OPRD1: variants seen among roughly 807,000 people sequenced by gnomAD.
OPRD1 encodes delta-type opioid receptor.
A neutral mutation model predicts 17.5 loss-of-function variants in OPRD1; 19 were observed. That is an observed-to-expected ratio of 1.09 (90% CI 0.76 to 1.60). The LOEUF (loss-of-function observed/expected upper bound fraction) is 1.60. OPRD1 is among the 40% of genes most tolerant of loss of function. OPRD1 has a pLI of 0.00. For missense variants in OPRD1, 483 were observed against 547.2 expected, an observed-to-expected ratio of 0.88 and a Z score of 1.17; for synonymous variants, 256 against 240.9, an observed-to-expected ratio of 1.06 and a Z score of -0.58.
intron 1 of OPRD1, among the ~76,000 whole-genome samples, chr1:28,838,785 G>A (rs911632485): frequency 2.0e-5 from 3 of 152,152 alleles, no homozygotes; most frequent in African/African-American, 4.8e-5. Context: ...GGAGTAAACC[G>A]AGGCTCAGAG....
At chr1:28,817,199 A>G (rs74065112) in intron 1 of OPRD1, among the ~76,000 whole-genome samples, 4,939 of 152,180 alleles carry the variant, frequency 0.032, 275 homozygotes, top group African/African-American at 0.11. Flanking sequence ...GCTACTTACT[A>G]AGAGCTTTAG....
At position 28,863,206 on chromosome 1, in the gene OPRD1, G is replaced by GCCCGC; in HGVS notation, c.1043_1047dup (p.Glu350ProfsTer130). ...CCCAGACCCCAGCAGCTTCAGCCGC[G>GCCCGC]CCCGCGAAGCCACGGCCCGCGAGCG... On this transcript the variant is annotated frameshift_variant, in exon 3 of 3. Transcript: ENST00000234961. LOFTEE classifies it low-confidence loss of function (END_TRUNC). The GCCCGC allele has an allele frequency of 6.3e-7, 1 of 1,583,462 alleles. No individual in the cohort carries two copies. The highest frequency in any genetic ancestry group is 8.5e-7 in the Non-Finnish European group (1 of 1,171,640).
intron 1 of OPRD1, among the ~76,000 whole-genome samples, chr1:28,856,183 C>T (rs925145271): frequency 3.3e-5 from 5 of 152,206 alleles, no homozygotes; most frequent in South Asian, 2.1e-4. Context: ...GCCTTGGCTC[C>T]GCCACTGTTG....
intron 1 of OPRD1, among the ~76,000 whole-genome samples, chr1:28,834,198 CA>C (rs1377829801): frequency 6.6e-6 from 1 of 151,970 alleles, no homozygotes; most frequent in Non-Finnish European, 1.5e-5. Flanking sequence ...AGGCGTGAGC[CA>C]CCGCGCCCAG....
intron 1 of OPRD1, among the ~76,000 whole-genome samples, chr1:28,851,467 G>A (rs1478120222): frequency 6.6e-6 from 1 of 152,214 alleles, no homozygotes; most frequent in Admixed American, 6.5e-5. Flanking sequence ...CCACCAAAAT[G>A]AAGGCATAGA....
At chr1:28,837,723 C>T (rs183441286) in intron 1 of OPRD1, among the ~76,000 whole-genome samples, 9 of 151,124 alleles carry the variant, frequency 6.0e-5, no homozygotes, top group Middle Eastern at 3.4e-3. Context: ...AGAGTCTCAC[C>T]GTATTGCCCA....
chr1:28,829,022 C>T (rs2088790716), intron 1 of OPRD1, among the ~76,000 whole-genome samples: 1 of 150,636 alleles, frequency 6.6e-6, no homozygotes, highest in Non-Finnish European at 1.5e-5. Context: ...GAGGGAGCAT[C>T]AGTCTCTCCT....
At chr1:28,829,825 T>G (rs2088796896) in intron 1 of OPRD1, among the ~76,000 whole-genome samples, 1 of 152,168 alleles carries the variant, frequency 6.6e-6, no homozygotes, top group African/African-American at 2.4e-5. Context: ...TCCTCTTTCC[T>G]CAGCCTCCGA....
chr1:28,846,362 C>T (rs1418888732), intron 1 of OPRD1, among the ~76,000 whole-genome samples: 2 of 152,146 alleles, frequency 1.3e-5, no homozygotes, highest in Non-Finnish European at 2.9e-5. Context: ...CCACCACGGT[C>T]AGGTTCTGGT....
rs1455895498 is a variant in OPRD1, at chr1:28,859,016, T to C, written c.290T>C (p.Leu97Pro). ...YIFNLALADA[L>P]ATSTLPFQSA... ...TTCAACCTGGCCTTAGCCGATGCGC[T>C]GGCCACCAGCACGCTGCCTTTCCAG... The change falls in exon 2 of 3, where the codon CTG becomes CCG. Residue 97 changes from leucine (L) to proline (P), a missense_variant. By Grantham distance (98) the Leu-to-Pro change is moderately conservative (BLOSUM62 -3). Transcript: ENST00000234961. 8 of 1,613,962 alleles carry C rather than the reference T, an allele frequency of 5.0e-6. No homozygotes were observed. Among genetic ancestry groups the C allele is most frequent in the Non-Finnish European group, 6.8e-6 (8 of 1,180,052 alleles).
chr1:28,847,249 G>A (rs1030954904), intron 1 of OPRD1, among the ~76,000 whole-genome samples: 7 of 151,970 alleles, frequency 4.6e-5, no homozygotes, highest in East Asian at 1.9e-4. Context: ...ATGGGGTTTC[G>A]CCATGTTGGC....
intron 1 of OPRD1, among the ~76,000 whole-genome samples, chr1:28,845,179 C>T (rs1569634017): frequency 6.6e-6 from 1 of 151,668 alleles, no homozygotes; most frequent in Non-Finnish European, 1.5e-5. Context: ...CCCGTCTCTA[C>T]TAAAAATACA....
intron 1 of OPRD1, among the ~76,000 whole-genome samples, chr1:28,815,386 G>A (rs528876160): frequency 1.3e-5 from 2 of 152,194 alleles, no homozygotes; most frequent in East Asian, 1.9e-4. Flanking sequence ...GATTACGGGC[G>A]GAGCCATGGT....
rs1033101368 is a variant in OPRD1 at position 28,864,638 on chromosome 1, A to T, written c.*1355A>T. ...GCTTCAAGGTTAGGTCTTCCAGTGGAAGGTGGATGCTTTCTGTGAGTCCCC... is the reference window on the plus strand; with the variant it reads ...GCTTCAAGGTTAGGTCTTCCAGTGGTAGGTGGATGCTTTCTGTGAGTCCCC... On this transcript the variant is annotated 3_prime_UTR_variant, in exon 3 of 3. Coordinates refer to ENST00000234961, the MANE Select transcript of OPRD1 (RefSeq NM_000911.4). 22 of 151,478 alleles carry T rather than the reference A, an allele frequency of 1.5e-4. No homozygotes were observed. The highest frequency in any genetic ancestry group is 5.1e-4 in the African/African-American group (21 of 41,168). 9.4% of individuals were successfully genotyped at this position (151,478 alleles called of 1,614,324 possible). A position where few individuals can be genotyped will look rare whatever the true frequency, so the allele number is the denominator to read the frequency against.
chr1:28,858,239 G>A (rs2089076757), intron 1 of OPRD1, among the ~76,000 whole-genome samples: 1 of 144,494 alleles, frequency 6.9e-6, no homozygotes, highest in Non-Finnish European at 1.5e-5. Context: ...TCAGCCTCCC[G>A]AGTAGCTGGG....
rs182896981 is a variant in OPRD1 at position 28,852,699 on chromosome 1, C to A, written c.228-6255C>A. 7.9e-5 allele frequency among the ~76,000 whole-genome samples: 12 copies of A among 152,056 alleles called. 1 individual carries two copies. In the East Asian group the frequency reaches 2.3e-3, roughly 29 times the overall value. ...CCATCTCTTAGGATTTTCTTTCTTT[C>A]TTTTTCTTTTTATTTATTTTTTATT... On this transcript the variant is annotated intron_variant, in intron 1 of 2. Coordinates refer to ENST00000234961, the MANE Select transcript of OPRD1 (RefSeq NM_000911.4).
chr1:28,858,413 C>G (rs2089078653), intron 1 of OPRD1, among the ~76,000 whole-genome samples: 1 of 151,912 alleles, frequency 6.6e-6, no homozygotes, highest in Admixed American at 6.6e-5. Context: ...CGCGCCCGGC[C>G]AGGATTTTTC....
intron 1 of OPRD1, among the ~76,000 whole-genome samples, chr1:28,816,485 C>A (rs2088671858): frequency 6.6e-6 from 1 of 152,152 alleles, no homozygotes. Context: ...TCAGAAGCAT[C>A]CTCCATCCTG....
At chr1:28,840,789 G>C (rs1299754377) in intron 1 of OPRD1, among the ~76,000 whole-genome samples, 1 of 152,096 alleles carries the variant, frequency 6.6e-6, no homozygotes, top group South Asian at 2.1e-4. Flanking sequence ...GGGCATAGTG[G>C]TGGGCAGCGG....
Sources: gnomAD v4.1 joint callset for allele counts (sites outside exome capture counted in the v4.1 genomes callset) on GRCh38, gnomAD v4.1.1 for gene constraint, MANE v1.5 for transcripts, NCBI Gene and HGNC (gene_info 2026-07-23, HGNC 2026-07-21) for gene names.